CHL1: variants seen among roughly 807,000 people sequenced by gnomAD.
CHL1 encodes the protein neural cell adhesion molecule L1-like protein.
Under a neutral mutation model 141.9 loss-of-function variants are expected in CHL1, and 96 were observed. The observed-to-expected ratio is 0.68, with a 90% CI of 0.57 to 0.80. The LOEUF (loss-of-function observed/expected upper bound fraction) is 0.80, where lower values mean the gene tolerates loss of function less well. Among genes scored for constraint, CHL1 ranks in the 30% least tolerant of loss-of-function variants. The pLI is 0.00. For synonymous variants in CHL1, 613 were observed against 502.2 expected, an observed-to-expected ratio of 1.22 and a Z score of -2.95; for missense variants, 1,820 against 1,457.2, an observed-to-expected ratio of 1.25 and a Z score of -4.05.
At chr3:284,337 T>C (rs1696934476) in intron 2 of CHL1, among the ~76,000 whole-genome samples, 1 of 152,212 alleles carries the variant, frequency 6.6e-6, no homozygotes, top group Non-Finnish European at 1.5e-5. Flanking sequence ...ATTTTACTTA[T>C]TTCTTATAGC....
chr3:210,984 G>A (rs568658418), intron 1 of CHL1, among the ~76,000 whole-genome samples: 1 of 152,276 alleles, frequency 6.6e-6, no homozygotes, highest in South Asian at 2.1e-4. Flanking sequence ...TAGCAGGGTG[G>A]GCTTTTCGGA....
Position 351,918 on chromosome 3 carries a change from G to A in CHL1, c.1033+2375G>A, listed in dbSNP as rs151084320. Among the ~76,000 whole-genome samples the A allele has an allele frequency of 3.5e-3, 539 of 152,126 alleles. 4 individuals carry two copies. Among genetic ancestry groups the A allele is most frequent in the African/African-American group, 0.012 (495 of 41,492 alleles). ...ATTAATTACACATTCAATAAAAAGAGATATATTATAGTGACATCTAAAACA... is the reference window on the plus strand; with the variant it reads ...ATTAATTACACATTCAATAAAAAGAAATATATTATAGTGACATCTAAAACA... On this transcript the variant is annotated intron_variant, in intron 10 of 27. Transcript: ENST00000256509.
At chr3:251,466 A>T (rs1054530891) in intron 2 of CHL1, among the ~76,000 whole-genome samples, 1 of 152,140 alleles carries the variant, frequency 6.6e-6, no homozygotes, top group Non-Finnish European at 1.5e-5. Flanking sequence ...AATCATCTCA[A>T]CTACTGTTTG....
chr3:234,158 A>G (rs1454786032), intron 1 of CHL1, among the ~76,000 whole-genome samples: 1 of 151,030 alleles, frequency 6.6e-6, no homozygotes, highest in East Asian at 1.9e-4. Flanking sequence ...TATTTTACAG[A>G]TGATGTCCAT....
chr3:355,655 C>T (rs1422918735), intron 11 of CHL1, among the ~76,000 whole-genome samples: 1 of 152,102 alleles, frequency 6.6e-6, no homozygotes, highest in Admixed American at 6.6e-5. Flanking sequence ...ACCTCGGGTC[C>T]CGTCTAGGAT....
intron 2 of CHL1, among the ~76,000 whole-genome samples, chr3:303,201 C>T (rs1698915061): frequency 6.6e-6 from 1 of 152,126 alleles, no homozygotes; most frequent in Admixed American, 6.6e-5. Context: ...GTTCTTCTTG[C>T]CCAGGATTGT....
At chr3:294,743 C>A (rs1009442870) in intron 2 of CHL1, among the ~76,000 whole-genome samples, 9 of 152,112 alleles carry the variant, frequency 5.9e-5, no homozygotes, top group African/African-American at 1.9e-4. Context: ...AAGTTTGATT[C>A]ATCACATCCC....
intron 2 of CHL1, among the ~76,000 whole-genome samples, chr3:283,218 T>C (rs1280681182): frequency 6.6e-6 from 1 of 152,268 alleles, no homozygotes; most frequent in East Asian, 1.9e-4. Context: ...ATAGCCATTC[T>C]CTTCACGAAT....
chr3:207,117 T>C (rs1699511416), intron 1 of CHL1, among the ~76,000 whole-genome samples: 1 of 152,224 alleles, frequency 6.6e-6, no homozygotes, highest in Non-Finnish European at 1.5e-5. Context: ...ACAGCCAATA[T>C]ATTTGGGAGT....
At chr3:353,838 A>G (rs1237145324) in intron 10 of CHL1, among the ~76,000 whole-genome samples, 1 of 152,180 alleles carries the variant, frequency 6.6e-6, no homozygotes, top group Non-Finnish European at 1.5e-5. Flanking sequence ...TCTGAAATCA[A>G]ATTATCCAAA....
At chr3:366,209 G>A (rs982526854) in intron 15 of CHL1, 94 bp downstream of exon 15, 15 of 1,217,906 alleles carry the variant, frequency 1.2e-5, no homozygotes, top group Non-Finnish European at 1.6e-5. Flanking sequence ...GCTGACTCAC[G>A]CTTGTAATCC....
intron 24 of CHL1, among the ~76,000 whole-genome samples, chr3:395,919 A>G (rs140746122): frequency 2.6e-5 from 4 of 152,312 alleles, no homozygotes; most frequent in African/African-American, 9.6e-5. Flanking sequence ...ATATTAAAAT[A>G]TATTCAAGCT....
At chr3:277,687 T>A (rs148925035) in intron 2 of CHL1, among the ~76,000 whole-genome samples, 39 of 152,332 alleles carry the variant, frequency 2.6e-4, no homozygotes, top group African/African-American at 9.1e-4. Flanking sequence ...AAATAAATAT[T>A]TTTGTGACTT....
intron 19 of CHL1, chr3:384,635 A>G (rs1171750059): frequency 2.0e-5 from 3 of 152,158 alleles, no homozygotes; most frequent in African/African-American, 7.2e-5. Flanking sequence ...TTTTCTCTCT[A>G]CTACTTGGAT....
chr3:331,098 T>A (rs1371511855), intron 5 of CHL1, among the ~76,000 whole-genome samples: 3 of 152,164 alleles, frequency 2.0e-5, no homozygotes, highest in Non-Finnish European at 2.9e-5. Flanking sequence ...GGCTGAACAG[T>A]GAAAGGAAAA....
chr3:305,533 C>T (rs1317498683), intron 2 of CHL1, among the ~76,000 whole-genome samples: 10 of 151,884 alleles, frequency 6.6e-5, no homozygotes, highest in Admixed American at 4.6e-4. Context: ...AACTGAATTT[C>T]GAGTGCCTAG....
intron 1 of CHL1, among the ~76,000 whole-genome samples, chr3:213,051 A>G (rs1248744034): frequency 6.6e-6 from 1 of 152,242 alleles, no homozygotes; most frequent in Non-Finnish European, 1.5e-5. Flanking sequence ...TGATGAAAGC[A>G]ACTTGAAGTC....
chr3:258,354 G>C (rs1694374713), intron 2 of CHL1, among the ~76,000 whole-genome samples: 1 of 152,168 alleles, frequency 6.6e-6, no homozygotes, highest in Non-Finnish European at 1.5e-5. Flanking sequence ...ATACTGAAGG[G>C]TATTGCCATT....
intron 3 of CHL1, 95 bp downstream of exon 3, chr3:319,962 T>C: frequency 1.4e-6 from 1 of 690,052 alleles, no homozygotes; most frequent in Non-Finnish European, 2.4e-6. Flanking sequence ...GTGACTTTTC[T>C]ACCATATTTC....
Sources: allele counts gnomAD v4.1 joint callset (sites outside exome capture counted in the v4.1 genomes callset), GRCh38; gene constraint gnomAD v4.1.1; transcripts MANE v1.5; gene names NCBI Gene and HGNC (gene_info 2026-07-23, HGNC 2026-07-21).